RAF1: variants seen among roughly 807,000 people sequenced by gnomAD.
The protein encoded by RAF1 is RAF proto-oncogene serine/threonine-protein kinase.
In RAF1, 27 loss-of-function variants were observed where a neutral mutation model predicts 81.1. The observed-to-expected ratio is 0.33, with a 90% CI of 0.25 to 0.46. The LOEUF (loss-of-function observed/expected upper bound fraction) is 0.46. RAF1 is among the 20% of genes least tolerant of loss of function. The pLI is 1.00. For missense variants in RAF1, 598 were observed against 826.0 expected (o/e 0.72, Z 3.38); for synonymous variants, 298 against 294.0 (o/e 1.01, Z -0.14).
intron 11 of RAF1, among the ~76,000 whole-genome samples, chr3:12,598,087 G>A (rs1335846270): frequency 2.9e-5 from 4 of 139,250 alleles, no homozygotes; most frequent in Admixed American, 7.7e-5. Flanking sequence ...TCACTGTATT[G>A]AGCTCACTAC....
At chr3:12,631,523 C>T (rs2059859176) in intron 1 of RAF1, among the ~76,000 whole-genome samples, 1 of 152,158 alleles carries the variant, frequency 6.6e-6, no homozygotes, top group Admixed American at 6.5e-5. Flanking sequence ...GGCATGAACC[C>T]GGGAGGCGGA....
At chr3:12,609,953 A>T (rs2059158247) in intron 3 of RAF1, among the ~76,000 whole-genome samples, 1 of 152,240 alleles carries the variant, frequency 6.6e-6, no homozygotes, top group Non-Finnish European at 1.5e-5. Context: ...TTCAATCTAG[A>T]TAAATAGAAA....
chr3:12,609,385 C>A, intron 3 of RAF1, 50 bp from the exon 4 acceptor site: 1 of 1,256,508 alleles, frequency 8.0e-7, no homozygotes, highest in Non-Finnish European at 1.2e-6. Flanking sequence ...GATCAAAGTT[C>A]AATAGAAATA....
intron 2 of RAF1, among the ~76,000 whole-genome samples, chr3:12,612,267 T>A (rs888304095): frequency 2.0e-5 from 3 of 152,222 alleles, no homozygotes; most frequent in Non-Finnish European, 4.4e-5. Context: ...GCAGCTATTA[T>A]ATTACTTATA....
intron 1 of RAF1, among the ~76,000 whole-genome samples, chr3:12,662,832 A>G (rs2060921732): frequency 6.6e-6 from 1 of 152,062 alleles, no homozygotes; most frequent in Non-Finnish European, 1.5e-5. Flanking sequence ...TGATAAGCCA[A>G]TTCTTATCAC....
chr3:12,623,784 C>T (rs1328020435), intron 1 of RAF1, among the ~76,000 whole-genome samples: 1 of 128,606 alleles, frequency 7.8e-6, no homozygotes, highest in African/African-American at 3.3e-5. Flanking sequence ...GGCGACAGAG[C>T]GAGACTCTGT....
chr3:12,655,816 G>C (rs1231015092), intron 1 of RAF1, among the ~76,000 whole-genome samples: 2 of 151,928 alleles, frequency 1.3e-5, no homozygotes, highest in Non-Finnish European at 2.9e-5. Flanking sequence ...AAATAAGCCA[G>C]ACAAAAAAGG....
At chr3:12,585,983 AC>A in intron 14 of RAF1, 184 bp from the exon 14 acceptor site, 5 of 602,738 alleles carry the variant, frequency 8.3e-6, no homozygotes, top group Non-Finnish European at 1.5e-5. Flanking sequence ...CTTCCAGAAG[AC>A]AGGCAGGGAT....
intron 1 of RAF1, among the ~76,000 whole-genome samples, chr3:12,630,506 T>C (rs531772460): frequency 1.8e-4 from 28 of 152,240 alleles, no homozygotes; most frequent in Admixed American, 1.3e-3. Flanking sequence ...TGCAATTACA[T>C]AGTGAGGTCA....
chr3:12,658,268 ATAAT>A (rs1224638943), intron 1 of RAF1, among the ~76,000 whole-genome samples: 3 of 152,256 alleles, frequency 2.0e-5, no homozygotes, highest in South Asian at 2.1e-4. Flanking sequence ...GAGATTAATT[ATAAT>A]TAATAATGGA....
intron 2 of RAF1, among the ~76,000 whole-genome samples, chr3:12,613,167 G>C (rs62240807): frequency 0.028 from 4,221 of 152,240 alleles, 92 homozygotes; most frequent in Non-Finnish European, 0.044. Flanking sequence ...GGAAGTGTGA[G>C]TGCCCAGGAT....
At chr3:12,596,736 G>A (rs1169355984) in intron 11 of RAF1, among the ~76,000 whole-genome samples, 2 of 152,110 alleles carry the variant, frequency 1.3e-5, no homozygotes, top group Non-Finnish European at 2.9e-5. Flanking sequence ...CCAGAATATG[G>A]CGGAAAAAAG....
rs536077334 is a variant in RAF1 at position 12,621,583 on chromosome 3, T to C, written c.-26-2836A>G. Among the ~76,000 whole-genome samples, 4 of 152,232 alleles carry C rather than the reference T, an allele frequency of 2.6e-5. No homozygotes were observed. In the East Asian group the frequency reaches 5.8e-4, roughly 22 times the overall value. Reference sequence around the variant, plus strand: ...GAATACGGTAATATCTATTAAAAGTTTGAAATGTTCTTAAAGAATGACCTA... The same window carrying C: ...GAATACGGTAATATCTATTAAAAGTCTGAAATGTTCTTAAAGAATGACCTA... On this transcript the variant is annotated intron_variant, in intron 1 of 17. Coordinates refer to ENST00000442415, the MANE Select transcript of RAF1 (RefSeq NM_001354689.3).
At chr3:12,584,722 C>T (rs2125318208) in intron 17 of RAF1, 65 bp from the exon 17 acceptor site, 3 of 1,613,010 alleles carry the variant, frequency 1.9e-6, no homozygotes, top group South Asian at 1.1e-5. Flanking sequence ...TACCCTGCCC[C>T]CCACCATCTT....
chr3:12,627,094 C>T (rs1029488361), intron 1 of RAF1, among the ~76,000 whole-genome samples: 1 of 151,302 alleles, frequency 6.6e-6, no homozygotes, highest in South Asian at 2.1e-4. Context: ...TTTATTACCA[C>T]GAAAGTTCCC....
intron 3 of RAF1, among the ~76,000 whole-genome samples, chr3:12,611,536 T>A (rs2059207803): frequency 6.6e-6 from 1 of 152,106 alleles, no homozygotes; most frequent in Admixed American, 6.6e-5. Context: ...CCGTCTCTAC[T>A]AAAAATACAA....
intron 1 of RAF1, among the ~76,000 whole-genome samples, chr3:12,622,174 G>A (rs552259359): frequency 1.1e-4 from 17 of 152,062 alleles, no homozygotes; most frequent in African/African-American, 4.1e-4. Flanking sequence ...CTTTTTTCTA[G>A]ATCTTTGAGT....
At chr3:12,645,731 CT>C (rs1054825484) in intron 1 of RAF1, among the ~76,000 whole-genome samples, 2 of 151,708 alleles carry the variant, frequency 1.3e-5, no homozygotes, top group African/African-American at 2.4e-5. Flanking sequence ...TTTATTTAAT[CT>C]TTTTTTTGTA....
At chr3:12,632,469 C>T (rs2059894811) in intron 1 of RAF1, among the ~76,000 whole-genome samples, 1 of 152,054 alleles carries the variant, frequency 6.6e-6, no homozygotes, top group Admixed American at 6.6e-5. Context: ...TGTGCTACTA[C>T]TTCATCTTTC....
Sources: allele counts gnomAD v4.1 joint callset (sites outside exome capture counted in the v4.1 genomes callset), GRCh38; gene constraint gnomAD v4.1.1; transcripts MANE v1.5; gene names NCBI Gene and HGNC (gene_info 2026-07-23, HGNC 2026-07-21).